Variants in LHX9 observed in about 807,000 individuals in gnomAD.
The protein encoded by LHX9 is LIM/homeobox protein Lhx9.
In LHX9, 9 loss-of-function variants were observed where a neutral mutation model predicts 36.5. That is an observed-to-expected ratio of 0.25 (90% CI 0.15 to 0.43). The LOEUF (loss-of-function observed/expected upper bound fraction) is 0.43. Among genes scored for constraint, LHX9 ranks in the 20% least tolerant of loss-of-function variants. The pLI is 1.00. For synonymous variants in LHX9, 211 were observed against 212.1 expected, an observed-to-expected ratio of 0.99 and a Z score of 0.04; for missense variants, 464 against 526.4, an observed-to-expected ratio of 0.88 and a Z score of 1.16.
intron 3 of LHX9, among the ~76,000 whole-genome samples, chr1:197,923,679 G>A (rs957353173): frequency 5.9e-5 from 9 of 152,226 alleles, no homozygotes; most frequent in South Asian, 4.1e-4. Flanking sequence ...ATTTGATTTC[G>A]CCTTGGATCT....
chr1:197,916,574 T>C, upstream of LHX9: 3 of 676,834 alleles, frequency 4.4e-6, no homozygotes, highest in Non-Finnish European at 8.1e-6. Context: ...TAAGCCGCCC[T>C]ATGGCCAAGG....
chr1:197,917,115 T>C (rs58243706), upstream of LHX9: 2,697 of 172,586 alleles, frequency 0.016, 74 homozygotes, highest in African/African-American at 0.072. Context: ...TGTGTGTGTG[T>C]GCGCGCGCGC....
At chr1:197,916,423 G>A, upstream of LHX9, 1 of 514,238 alleles carries the variant, frequency 1.9e-6, no homozygotes, top group South Asian at 2.5e-5. Context: ...GGAGAAGCAC[G>A]CGATGGGGCT....
At chr1:197,928,464 C>T (rs1220837318) in intron 4 of LHX9, among the ~76,000 whole-genome samples, 2 of 152,178 alleles carry the variant, frequency 1.3e-5, no homozygotes, top group African/African-American at 4.8e-5. Flanking sequence ...ATTTTAAATT[C>T]TGCTAAACAG....
In LHX9 at chr1:197,927,529, A is replaced by G. The variant is rs541243547; in HGVS notation, c.734-62A>G. On this transcript the variant is annotated intron_variant, in intron 3 of 4. Coordinates refer to ENST00000367387, the MANE Select transcript of LHX9 (RefSeq NM_020204.3). ...CCATAGCAGTGTCATACAGCCTGCC[A>G]TCATGTCAGCTAATGCAAGAATTTC... 98 of 1,403,668 alleles carry G rather than the reference A, an allele frequency of 7.0e-5. No individual in the cohort carries two copies. In the South Asian group the frequency reaches 1.1e-3, roughly 15 times the overall value. The allele number at this position is 1,403,668 out of a possible 1,614,324, so 87.0% of individuals were successfully genotyped here. A position where few individuals can be genotyped will look rare whatever the true frequency, so the allele number is the denominator to read the frequency against.
chr1:197,913,332 A>G (rs1171273988), upstream of LHX9, among the ~76,000 whole-genome samples: 1 of 152,190 alleles, frequency 6.6e-6, no homozygotes, highest in African/African-American at 2.4e-5. Flanking sequence ...AAAGGCTGGC[A>G]AGGGTGCGCA....
chr1:197,931,877 G>C lies in LHX9; in HGVS notation c.*2618G>C. On this transcript the variant is annotated 3_prime_UTR_variant, in exon 5 of 5. Transcript: ENST00000367387. ...GAAATTGCAGACCCCTAAAAGCCAAGTTGCTCTGTAGTTAATAAATTGTCA... is the reference window on the plus strand; with the variant it reads ...GAAATTGCAGACCCCTAAAAGCCAACTTGCTCTGTAGTTAATAAATTGTCA... The C allele has an allele frequency of 1.4e-6, 2 of 1,468,608 alleles. No individual in the cohort carries two copies. Among genetic ancestry groups the C allele is most frequent in the Non-Finnish European group, 1.9e-6 (2 of 1,075,442 alleles). 91.0% of individuals were successfully genotyped at this position (1,468,608 alleles called of 1,614,324 possible).
Position 197,917,836 on chromosome 1 carries a change from G to A in LHX9, c.13G>A (p.Gly5Arg). 1 of 1,614,140 alleles carries A rather than the reference G, an allele frequency of 6.2e-7. No individual in the cohort carries two copies. The highest frequency in any genetic ancestry group is 8.5e-7 in the Non-Finnish European group (1 of 1,179,978). The change falls in exon 1 of 5, where the codon GGG (glycine) becomes AGG (arginine). Residue 5 changes from glycine (G) to arginine (R), a missense_variant. Physicochemically the swap from Gly to Arg is moderately radical, Grantham distance 125. Around this residue, in one of 5 missense-constraint regions of LHX9, gnomAD observed 119 missense variants for 102.4 expected, o/e 1.16. Coordinates refer to ENST00000367387, the MANE Select transcript of LHX9 (RefSeq NM_020204.3). MEIV[G>R]CRAEDNSCPF... is the part of the protein sequence containing the mutation. ...CGGGCGTGTGTATATGGAAATAGTG[G>A]GGTGCCGAGCAGAAGACAACTCGTG...
chr1:197,920,260 AC>A, intron 2 of LHX9, 86 bp downstream of exon 2: 1 of 1,273,034 alleles, frequency 7.9e-7, no homozygotes, highest in South Asian at 1.3e-5. Flanking sequence ...TCCGTCCCCT[AC>A]CTTTTGCCCC....
Position 197,917,927 on chromosome 1 carries a change from A to C in LHX9, c.104A>C (p.Glu35Ala), listed in dbSNP as rs747021625. Residue 35 changes from glutamate (E) to alanine (A), a missense_variant, in exon 1 of 5, where the codon GAG (glutamate) becomes GCG (alanine). Around this residue, in one of 5 missense-constraint regions of LHX9, gnomAD observed 119 missense variants for 102.4 expected, o/e 1.16. Coordinates refer to ENST00000367387, the MANE Select transcript of LHX9 (RefSeq NM_020204.3). The stretch of plus-strand genomic sequence containing the variant: ...GGAGGCCACATCCAAGGCATCATGG[A>C]GGAGATGGAGCGCAGATCCAAGACT... ...ISGGHIQGIM[E>A]EMERRSKTEA... The C allele has an allele frequency of 1.2e-6, 2 of 1,614,164 alleles. No homozygotes were observed. Among genetic ancestry groups the C allele is most frequent in the Non-Finnish European group, 1.7e-6 (2 of 1,180,012 alleles).
upstream of LHX9, chr1:197,916,628 A>G: frequency 1.4e-6 from 1 of 702,836 alleles, no homozygotes. Context: ...CCTGTCCCCT[A>G]CACTCTAATT....
At chr1:197,913,876 C>T (rs780944624), upstream of LHX9, among the ~76,000 whole-genome samples, 6 of 152,210 alleles carry the variant, frequency 3.9e-5, no homozygotes, top group Non-Finnish European at 7.3e-5. Context: ...CCTTTGCTCT[C>T]AAAATATGCA....
chr1:197,930,193 T>A lies in LHX9; in HGVS notation c.*934T>A. On this transcript the variant is annotated 3_prime_UTR_variant, in exon 5 of 5. Transcript: ENST00000367387. ...TTCAGCTGTACCATGATATTGTATCTGGCATTCTATATGAATAATGTTTAA... is the reference window on the plus strand; with the variant it reads ...TTCAGCTGTACCATGATATTGTATCAGGCATTCTATATGAATAATGTTTAA... 2.7e-6 allele frequency: 1 copy of A among 367,310 alleles called. No individual in the cohort carries two copies. Among genetic ancestry groups the A allele is most frequent in the Non-Finnish European group, 3.8e-6 (1 of 265,382 alleles). The allele number at this position is 367,310 out of a possible 1,614,324, so 22.8% of individuals were successfully genotyped here. A position where few individuals can be genotyped will look rare whatever the true frequency, so the allele number is the denominator to read the frequency against.
At position 197,929,288 on chromosome 1, in the gene LHX9, T is replaced by A; in HGVS notation, c.*29T>A. On this transcript the variant is annotated 3_prime_UTR_variant, in exon 5 of 5. Coordinates refer to ENST00000367387, the MANE Select transcript of LHX9 (RefSeq NM_020204.3). Reference sequence around the variant, plus strand: ...TGGTTTTTTTTTTTTAGTTTTTAAATTCTTCCTCTTCTTTTTATTATTATT... The same window carrying A: ...TGGTTTTTTTTTTTTAGTTTTTAAAATCTTCCTCTTCTTTTTATTATTATT... The A allele has an allele frequency of 1.0e-5, 13 of 1,305,066 alleles. No individual in the cohort carries two copies. The highest frequency in any genetic ancestry group is 1.3e-5 in the Non-Finnish European group (13 of 1,010,108). 80.8% of individuals were successfully genotyped at this position (1,305,066 alleles called of 1,614,324 possible). A position where few individuals can be genotyped will look rare whatever the true frequency, so the allele number is the denominator to read the frequency against.
At chr1:197,924,158 A>G (rs902227707) in intron 3 of LHX9, among the ~76,000 whole-genome samples, 2 of 152,210 alleles carry the variant, frequency 1.3e-5, no homozygotes, top group African/African-American at 4.8e-5. Flanking sequence ...CAGCAAATTA[A>G]ACACGCGTTA....
In LHX9 at chr1:197,917,541, C is replaced by T. The variant is rs1659804290; in HGVS notation, c.-283C>T. On this transcript the variant is annotated 5_prime_UTR_variant, in exon 1 of 5. Coordinates refer to ENST00000367387, the MANE Select transcript of LHX9 (RefSeq NM_020204.3). The stretch of plus-strand genomic sequence containing the variant: ...CCATTAGTAACTCGATCTCTCAGAG[C>T]AGTAAGATTCGCCTTCTACGCCTCT... The T allele has an allele frequency of 1.2e-5, 18 of 1,452,938 alleles. No individual in the cohort carries two copies. The highest frequency in any genetic ancestry group is 1.7e-5 in the Non-Finnish European group (18 of 1,085,560). The allele number at this position is 1,452,938 out of a possible 1,614,324, so 90.0% of individuals were successfully genotyped here. A position where few individuals can be genotyped will look rare whatever the true frequency, so the allele number is the denominator to read the frequency against.
chr1:197,931,797 T>C lies in LHX9; in HGVS notation c.*2538T>C, dbSNP rs957394418. The C allele has an allele frequency of 3.2e-6, 2 of 632,896 alleles. No individual in the cohort carries two copies. The highest frequency in any genetic ancestry group is 5.5e-6 in the Non-Finnish European group (2 of 365,354). 39.2% of individuals were successfully genotyped at this position (632,896 alleles called of 1,614,324 possible). ...GCATGGAACGAAACCTTAAATATGA[T>C]TAAGATTTCATGTTAGGTCTATTGA... On this transcript the variant is annotated 3_prime_UTR_variant, in exon 5 of 5. Coordinates refer to ENST00000367387, the MANE Select transcript of LHX9 (RefSeq NM_020204.3).
chr1:197,916,788 T>A (rs755470076), upstream of LHX9: 29 of 702,928 alleles, frequency 4.1e-5, no homozygotes, highest in South Asian at 3.0e-4. Flanking sequence ...CAGCTGCTTT[T>A]AAAAGTGGAT....
Position 197,930,307 on chromosome 1 carries a change from A to AT in LHX9, c.*1053dup. On this transcript the variant is annotated 3_prime_UTR_variant, in exon 5 of 5. Coordinates refer to ENST00000367387, the MANE Select transcript of LHX9 (RefSeq NM_020204.3). ...TAGGTTGACTTATGTATTGAAAATA[A>AT]TTTTTCTGATATTAGAGATTTGAAG... 6.4e-6 allele frequency: 1 copy of AT among 155,140 alleles called. No homozygotes were observed. Among genetic ancestry groups the AT allele is most frequent in the Middle Eastern group, 3.3e-3 (1 of 304 alleles). 9.6% of individuals were successfully genotyped at this position (155,140 alleles called of 1,614,324 possible). A position where few individuals can be genotyped will look rare whatever the true frequency, so the allele number is the denominator to read the frequency against.
Sources: allele counts gnomAD v4.1 joint callset (sites outside exome capture counted in the v4.1 genomes callset), GRCh38; gene constraint gnomAD v4.1.1; regional missense constraint gnomAD v4.1.1; transcripts MANE v1.5; gene names NCBI Gene and HGNC (gene_info 2026-07-23, HGNC 2026-07-21).